Variants in CNTN4 observed in about 807,000 individuals in gnomAD.
The protein encoded by CNTN4 is contactin-4.
In CNTN4, 77 loss-of-function variants were observed where a neutral mutation model predicts 122.5. That is an observed-to-expected ratio of 0.63 (90% confidence interval 0.52 to 0.76). CNTN4 has a LOEUF of 0.76. Ranked by LOEUF, CNTN4 falls within the 30% of genes least tolerant of loss-of-function variation. The probability of loss-of-function intolerance (pLI) is 0.00; values close to 1 mark genes in which losing one functional copy is unlikely to be tolerated. For missense variants in CNTN4, 1,256 were observed against 1,259.1 expected, an observed-to-expected ratio of 1.00 and a Z score of 0.04; for synonymous variants, 512 against 447.0, an observed-to-expected ratio of 1.15 and a Z score of -1.83.
chr3:2,915,280 G>T (rs1008134249), intron 12 of CNTN4, among the ~76,000 whole-genome samples: 2 of 152,108 alleles, frequency 1.3e-5, no homozygotes, highest in Non-Finnish European at 2.9e-5. Context: ...TGGCCAGGCT[G>T]GTCTCAAACT....
chr3:2,284,335 A>G (rs1322209955), intron 2 of CNTN4, among the ~76,000 whole-genome samples: 1 of 152,126 alleles, frequency 6.6e-6, no homozygotes, highest in African/African-American at 2.4e-5. Context: ...AATGTGCTTT[A>G]TTTTAGGCCA....
chr3:2,182,868 A>G (rs1278368310), intron 2 of CNTN4, among the ~76,000 whole-genome samples: 1 of 151,984 alleles, frequency 6.6e-6, no homozygotes, highest in Non-Finnish European at 1.5e-5. Context: ...TGTTCAACTT[A>G]AAATGACTGT....
At chr3:2,143,184 G>C (rs556373117) in intron 2 of CNTN4, among the ~76,000 whole-genome samples, 1 of 152,074 alleles carries the variant, frequency 6.6e-6, no homozygotes, top group African/African-American at 2.4e-5. Context: ...TCTGTTTTAC[G>C]TTTCCCATTT....
rs373337955 is a variant in CNTN4, at chr3:2,151,115, G to C, written c.-145+50476G>C. 1.8e-3 allele frequency among the ~76,000 whole-genome samples: 275 copies of C among 152,166 alleles called. 3 individuals carry two copies. The South Asian group carries it at 0.029, about 16-fold the overall frequency. On this transcript the variant is annotated intron_variant, in intron 2 of 24. Coordinates refer to ENST00000418658, the MANE Select transcript of CNTN4 (RefSeq NM_175607.3). ...AATTTTTGTATTTTTAGTAGAGATG[G>C]GGTTTTGCCATGTTGGCCGGGCTGG...
chr3:2,804,152 G>A (rs1190255986), intron 6 of CNTN4, among the ~76,000 whole-genome samples: 1 of 151,610 alleles, frequency 6.6e-6, no homozygotes, highest in Non-Finnish European at 1.5e-5. Flanking sequence ...AATCAGCAGT[G>A]GGGGTATAGT....
chr3:2,159,889 C>G (rs188473523), intron 2 of CNTN4, among the ~76,000 whole-genome samples: 1 of 150,760 alleles, frequency 6.6e-6, no homozygotes, highest in Non-Finnish European at 1.5e-5. Context: ...TCTGTTTAAC[C>G]TTGGACCACC....
chr3:2,423,443 G>C (rs555742778), intron 3 of CNTN4, among the ~76,000 whole-genome samples: 1 of 151,872 alleles, frequency 6.6e-6, no homozygotes, highest in East Asian at 1.9e-4. Context: ...GCTGCAAGCA[G>C]GAAGTCAGTG....
intron 3 of CNTN4, among the ~76,000 whole-genome samples, chr3:2,476,907 T>C (rs1035467919): frequency 4.9e-4 from 74 of 152,276 alleles, no homozygotes; most frequent in African/African-American, 1.6e-3. Flanking sequence ...AACTGAGAGA[T>C]TCTGGGGATG....
intron 6 of CNTN4, among the ~76,000 whole-genome samples, chr3:2,760,183 A>C (rs923181811): frequency 6.6e-6 from 1 of 152,166 alleles, no homozygotes; most frequent in African/African-American, 2.4e-5. Flanking sequence ...TAATTTTGGT[A>C]AAATCTAATT....
chr3:2,703,446 G>T (rs1306252747), intron 4 of CNTN4, among the ~76,000 whole-genome samples: 1 of 152,100 alleles, frequency 6.6e-6, no homozygotes, highest in African/African-American at 2.4e-5. Flanking sequence ...TAGTTGGAGG[G>T]TATAATTATT....
chr3:2,964,857 A>G (rs1359261583), intron 13 of CNTN4, among the ~76,000 whole-genome samples: 1 of 152,216 alleles, frequency 6.6e-6, no homozygotes, highest in Non-Finnish European at 1.5e-5. Context: ...TTCTCCTTCC[A>G]CAACTGCAGT....
chr3:2,185,443 C>G (rs1415603467), intron 2 of CNTN4, among the ~76,000 whole-genome samples: 1 of 152,112 alleles, frequency 6.6e-6, no homozygotes, highest in Non-Finnish European at 1.5e-5. Flanking sequence ...TATCCCAGAT[C>G]TTTCAGGAGG....
intron 2 of CNTN4, among the ~76,000 whole-genome samples, chr3:2,281,698 T>C (rs1372822928): frequency 6.6e-6 from 1 of 152,160 alleles, no homozygotes; most frequent in Admixed American, 6.6e-5. Context: ...TAACAGCTTT[T>C]GGTATTGCTA....
chr3:2,961,103 G>T (rs377298991), intron 13 of CNTN4, among the ~76,000 whole-genome samples: 1 of 142,500 alleles, frequency 7.0e-6, no homozygotes, highest in Non-Finnish European at 1.5e-5. Flanking sequence ...GGTGATGGGC[G>T]CCTGTAGTCC....
intron 3 of CNTN4, among the ~76,000 whole-genome samples, chr3:2,546,951 A>G (rs531865743): frequency 1.3e-5 from 2 of 152,272 alleles, no homozygotes; most frequent in African/African-American, 4.8e-5. Flanking sequence ...TGATGATAGT[A>G]GTTAACTTTT....
At chr3:2,521,383 G>A (rs892411946) in intron 3 of CNTN4, among the ~76,000 whole-genome samples, 4 of 111,570 alleles carry the variant, frequency 3.6e-5, no homozygotes, top group African/African-American at 1.5e-4. Context: ...TTTCTCAGGT[G>A]TTTTTGTTTC....
At chr3:2,191,933 A>T (rs572706363) in intron 2 of CNTN4, among the ~76,000 whole-genome samples, 3 of 151,558 alleles carry the variant, frequency 2.0e-5, no homozygotes, top group South Asian at 2.1e-4. Flanking sequence ...CCTGTGTCCA[A>T]GTGTTCTCAT....
chr3:2,346,376 T>G (rs2044398029), intron 3 of CNTN4, among the ~76,000 whole-genome samples: 2 of 152,100 alleles, frequency 1.3e-5, no homozygotes, highest in Middle Eastern at 3.2e-3. Context: ...TTTCTTCCTC[T>G]TAGTAATTAT....
At chr3:2,862,380 A>C (rs996258329) in intron 7 of CNTN4, among the ~76,000 whole-genome samples, 2 of 152,196 alleles carry the variant, frequency 1.3e-5, no homozygotes, top group Non-Finnish European at 2.9e-5. Flanking sequence ...GTTGGCTTAG[A>C]GATACAGAAA....
Sources: allele counts gnomAD v4.1 joint callset (sites outside exome capture counted in the v4.1 genomes callset), GRCh38; gene constraint gnomAD v4.1.1; transcripts MANE v1.5; gene names NCBI Gene and HGNC (gene_info 2026-07-23, HGNC 2026-07-21).